The following MYO5B variants were observed in gnomAD, a reference collection of about 807,000 sequenced individuals.
The protein encoded by MYO5B is myosin VB.
Under a neutral mutation model 229.3 loss-of-function variants are expected in MYO5B, and 143 were observed. The ratio of observed to expected loss-of-function variants is 0.62; its 90% CI spans 0.54 to 0.72. MYO5B has a LOEUF of 0.72. Among genes scored for constraint, MYO5B ranks in the 30% least tolerant of loss-of-function variants. The probability of loss-of-function intolerance (pLI) is 0.00; values close to 1 mark genes in which losing one functional copy is unlikely to be tolerated. For missense variants in MYO5B, 2,321 were observed against 2,331.0 expected (o/e 1.00, Z 0.09); for synonymous variants, 918 against 885.2 (o/e 1.04, Z -0.66).
rs1227295112 is a variant in MYO5B at position 50,169,210 on chromosome 18, G to A, written c.27+25557C>T. Among the ~76,000 whole-genome samples the A allele has an allele frequency of 2.4e-5, 3 of 127,430 alleles. 1 individual carries two copies. The highest frequency in any genetic ancestry group is 2.3e-4 in the East Asian group (1 of 4,388). 83.6% of individuals were successfully genotyped at this position (127,430 alleles called of 152,430 possible). A position where few individuals can be genotyped will look rare whatever the true frequency, so the allele number is the denominator to read the frequency against. ...TGTGGTCCCTGCTATTCAAGAGGCT[G>A]AGGCAGGAGGATCCCTTGAGCCCAA... is the stretch of plus-strand genomic sequence containing the variant. On this transcript the variant is annotated intron_variant, in intron 1 of 39. Coordinates refer to ENST00000285039, the MANE Select transcript of MYO5B (RefSeq NM_001080467.3).
At chr18:50,040,542 A>G (rs768696866) in intron 2 of MYO5B, among the ~76,000 whole-genome samples, 14 of 152,240 alleles carry the variant, frequency 9.2e-5, no homozygotes, top group Non-Finnish European at 1.8e-4. Flanking sequence ...AAACATAACC[A>G]GGTCTAAGAG....
chr18:50,059,633 T>C (rs2030639023), intron 1 of MYO5B, among the ~76,000 whole-genome samples: 1 of 152,200 alleles, frequency 6.6e-6, no homozygotes, highest in Admixed American at 6.5e-5. Flanking sequence ...TAGCAGTTCA[T>C]TGTTAAATCA....
At chr18:49,954,018 ATT>A (rs2025461642) in intron 13 of MYO5B, among the ~76,000 whole-genome samples, 1 of 80,532 alleles carries the variant, frequency 1.2e-5, no homozygotes, top group Admixed American at 1.6e-4. Context: ...GTGTGTATGT[ATT>A]TATATGTGTG....
At chr18:49,899,762 A>C (rs1215585328) in intron 21 of MYO5B, among the ~76,000 whole-genome samples, 5 of 152,204 alleles carry the variant, frequency 3.3e-5, no homozygotes, top group Non-Finnish European at 7.3e-5. Context: ...CAGCGTGCCT[A>C]GTCAGGTAGT....
In MYO5B at chr18:50,036,923, T is replaced by G; in HGVS notation, c.382A>C (p.Ser128Arg). The change falls in exon 4 of 40, where the codon AGT (serine) becomes CGT (arginine). Residue 128 changes from serine (S) to arginine (R), a missense_variant. Physicochemically the swap from Ser to Arg is moderately radical, Grantham distance 110. This residue lies in a region of MYO5B where 2,113 missense variants were observed against 2,044.7 expected (regional missense o/e 1.03). Coordinates refer to ENST00000285039, the MANE Select transcript of MYO5B (RefSeq NM_001080467.3). ...TCCATGTCTCCCATGTTTTGGCCAC[T>G]GTAGGTATAGATGACATCTTGTCCA... ...IYGQDVIYTY[S>R]GQNMGDMDPH... is the part of the protein sequence containing the mutation. 2 of 1,614,156 alleles carry G rather than the reference T, an allele frequency of 1.2e-6. No individual in the cohort carries two copies. Among genetic ancestry groups the G allele is most frequent in the Non-Finnish European group, 1.7e-6 (2 of 1,180,014 alleles).
At chr18:50,045,212 A>G (rs973511297) in intron 2 of MYO5B, among the ~76,000 whole-genome samples, 1 of 152,196 alleles carries the variant, frequency 6.6e-6, no homozygotes, top group Non-Finnish European at 1.5e-5. Flanking sequence ...GTTGTAAGCA[A>G]TTTGTGAGGA....
At chr18:50,085,432 T>G (rs1481035273) in intron 1 of MYO5B, among the ~76,000 whole-genome samples, 1 of 151,914 alleles carries the variant, frequency 6.6e-6, no homozygotes, top group African/African-American at 2.4e-5. Context: ...CTGGAGAGGA[T>G]GTGGAGAAAT....
chr18:50,142,044 T>G (rs1042563292), intron 1 of MYO5B, among the ~76,000 whole-genome samples: 2 of 152,246 alleles, frequency 1.3e-5, no homozygotes, highest in African/African-American at 4.8e-5. Flanking sequence ...TTCAACCAAG[T>G]AATTCTCCAG....
chr18:49,972,156 C>G (rs1185060826), intron 10 of MYO5B, among the ~76,000 whole-genome samples: 3 of 152,170 alleles, frequency 2.0e-5, no homozygotes, highest in Admixed American at 6.5e-5. Flanking sequence ...GGTTGCCACC[C>G]CATCCATGGA....
At position 50,194,930 on chromosome 18, in the gene MYO5B, G is replaced by T; in HGVS notation, c.-137C>A. On this transcript the variant is annotated 5_prime_UTR_variant, in exon 1 of 40. Coordinates refer to ENST00000285039, the MANE Select transcript of MYO5B (RefSeq NM_001080467.3). ...TTCTCGCTCTTCTCCGACCTGCCCC[G>T]CCGGCTTCCCGCAGGCGCCGCGGCC... 2.6e-6 allele frequency: 3 copies of T among 1,171,124 alleles called. No individual in the cohort carries two copies. Among genetic ancestry groups the T allele is most frequent in the Non-Finnish European group, 2.1e-6 (2 of 940,554 alleles). 72.5% of individuals were successfully genotyped at this position (1,171,124 alleles called of 1,614,324 possible). A position where few individuals can be genotyped will look rare whatever the true frequency, so the allele number is the denominator to read the frequency against.
chr18:50,110,201 T>C (rs562985594), intron 1 of MYO5B, among the ~76,000 whole-genome samples: 9 of 150,856 alleles, frequency 6.0e-5, no homozygotes, highest in African/African-American at 2.2e-4. Flanking sequence ...TGAACTTCTC[T>C]GCATGGCCTC....
intron 1 of MYO5B, among the ~76,000 whole-genome samples, chr18:50,172,424 C>T (rs1349572323): frequency 6.6e-6 from 1 of 152,070 alleles, no homozygotes; most frequent in Non-Finnish European, 1.5e-5. Context: ...GAATCGGATT[C>T]CCAGTGTATT....
chr18:49,841,319 T>G (rs758365402), intron 35 of MYO5B, 46 bp downstream of exon 35: 2 of 1,572,164 alleles, frequency 1.3e-6, no homozygotes, highest in South Asian at 2.2e-5. Flanking sequence ...TCAACCACAT[T>G]TGGATGAAGC....
intron 4 of MYO5B, among the ~76,000 whole-genome samples, chr18:50,016,777 A>G (rs1271184939): frequency 6.6e-6 from 1 of 151,588 alleles, no homozygotes; most frequent in Non-Finnish European, 1.5e-5. Flanking sequence ...GAAACCCCAC[A>G]CCCATTACCA....
chr18:49,839,485 A>T (rs2024031042), intron 35 of MYO5B, 191 bp from the exon 36 acceptor site: 2 of 647,582 alleles, frequency 3.1e-6, no homozygotes, highest in Non-Finnish European at 5.5e-6. Flanking sequence ...AACTTGAAGG[A>T]TGTAGAAAAA....
intron 1 of MYO5B, chr18:50,126,401 T>G (rs1295177476): frequency 1.9e-5 from 3 of 154,606 alleles, no homozygotes; most frequent in African/African-American, 4.8e-5. Flanking sequence ...GGGAGACACA[T>G]CAACCATCTT....
intron 39 of MYO5B, 70 bp downstream of exon 39, chr18:49,835,274 A>T: frequency 8.6e-7 from 1 of 1,158,994 alleles, no homozygotes; most frequent in Non-Finnish European, 1.3e-6. Context: ...AAGCAAGATT[A>T]AAGCCCAAAT....
At chr18:50,055,230 A>ACCCCC in intron 2 of MYO5B, 38 bp downstream of exon 2, 1 of 258,418 alleles carries the variant, frequency 3.9e-6, no homozygotes, top group East Asian at 8.1e-5. Flanking sequence ...TCCCTGCCCC[A>ACCCCC]CCTCACCCCC....
chr18:49,970,151 A>G (rs1159494101), intron 10 of MYO5B, among the ~76,000 whole-genome samples: 1 of 152,234 alleles, frequency 6.6e-6, no homozygotes, highest in African/African-American at 2.4e-5. Context: ...GGTTAATGCA[A>G]CCTGGAAAGG....
Sources: allele counts gnomAD v4.1 joint callset (sites outside exome capture counted in the v4.1 genomes callset), GRCh38; gene constraint gnomAD v4.1.1; regional missense constraint gnomAD v4.1.1; transcripts MANE v1.5; gene names NCBI Gene and HGNC (gene_info 2026-07-23, HGNC 2026-07-21).